Variants in SCAI observed in about 807,000 individuals in gnomAD.
The protein encoded by SCAI is suppressor of cancer cell invasion, also known as protein SCAI.
SCAI carries 24 observed loss-of-function variants against 92.2 expected under a neutral mutation model. That is an observed-to-expected ratio of 0.26 (90% CI 0.19 to 0.37). The LOEUF (loss-of-function observed/expected upper bound fraction) is 0.37, where lower values mean the gene tolerates loss of function less well. Among genes scored for constraint, SCAI ranks in the 10% least tolerant of loss-of-function variants. The pLI, the probability that SCAI is intolerant of heterozygous loss-of-function variation, is 1.00. For missense variants in SCAI, 450 were observed against 736.2 expected (o/e 0.61, Z 4.50); for synonymous variants, 261 against 258.6 (o/e 1.01, Z -0.09).
At chr9:125,118,504 C>A (rs118065233) in intron 2 of SCAI, among the ~76,000 whole-genome samples, 1 of 135,066 alleles carries the variant, frequency 7.4e-6, no homozygotes, top group South Asian at 2.4e-4. Flanking sequence ...GAGACAGAGA[C>A]CCTGTCTCAA....
At position 125,018,850 on chromosome 9, in the gene SCAI, C is replaced by A. The variant is rs1832814217; in HGVS notation, c.810G>T (p.Val270=). Residue 270 remains valine (V), a synonymous_variant, in exon 9 of 18, where the codon GTG becomes GTT. Coordinates refer to ENST00000336505, the MANE Select transcript of SCAI (RefSeq NM_001144877.3). ...GAPLLEQGMI[V]GQLSLADALI... is the part of the protein sequence containing the mutation. ...GTGCGTCAGCCAGAGACAACTGTCC[C>A]ACAATCATGCCCTGTTCCAGCAATG... 1 of 1,613,786 alleles carries A rather than the reference C, an allele frequency of 6.2e-7. No homozygotes were observed. Among genetic ancestry groups the A allele is most frequent in the African/African-American group, 1.3e-5 (1 of 74,884 alleles).
chr9:125,135,864 G>T (rs1217603228), intron 2 of SCAI, among the ~76,000 whole-genome samples: 2 of 150,726 alleles, frequency 1.3e-5, no homozygotes, highest in Non-Finnish European at 2.9e-5. Context: ...AGCTACTCAG[G>T]AGGCTGAGGC....
At chr9:125,025,557 G>T (rs567441310) in intron 6 of SCAI, among the ~76,000 whole-genome samples, 19 of 152,188 alleles carry the variant, frequency 1.2e-4, no homozygotes, top group African/African-American at 3.9e-4. Context: ...AATTTATCTC[G>T]CCAAGAATTT....
intron 2 of SCAI, among the ~76,000 whole-genome samples, chr9:125,094,104 G>C (rs80137991): frequency 0.041 from 6,284 of 151,988 alleles, 425 homozygotes; most frequent in African/African-American, 0.14. Flanking sequence ...AAACACAGCA[G>C]ACAAGATGAT....
intron 2 of SCAI, among the ~76,000 whole-genome samples, chr9:125,122,197 T>A (rs1347631321): frequency 1.3e-5 from 2 of 152,228 alleles, no homozygotes; most frequent in Non-Finnish European, 2.9e-5. Flanking sequence ...TACTATGCTT[T>A]CGGTTGGACT....
chr9:125,123,690 G>A (rs1466038555), intron 2 of SCAI, among the ~76,000 whole-genome samples: 3 of 152,112 alleles, frequency 2.0e-5, no homozygotes, highest in East Asian at 1.9e-4. Flanking sequence ...CAGGAGAATC[G>A]CTTGAACCCG....
chr9:124,983,493 C>T (rs1042704618), intron 14 of SCAI, among the ~76,000 whole-genome samples: 9 of 152,214 alleles, frequency 5.9e-5, no homozygotes, highest in Non-Finnish European at 1.0e-4. Context: ...GCTGGGATTA[C>T]AGGCATGTGC....
chr9:125,093,210 A>T (rs1834474484), intron 2 of SCAI, among the ~76,000 whole-genome samples: 1 of 151,882 alleles, frequency 6.6e-6, no homozygotes, highest in Admixed American at 6.6e-5. Flanking sequence ...AAAATACAAA[A>T]ATTAGCTGGG....
At chr9:124,993,574 G>A (rs1351955688) in intron 14 of SCAI, among the ~76,000 whole-genome samples, 2 of 152,130 alleles carry the variant, frequency 1.3e-5, no homozygotes, top group African/African-American at 4.8e-5. Flanking sequence ...TGGGAAACGA[G>A]CGAAACTCTG....
intron 2 of SCAI, among the ~76,000 whole-genome samples, chr9:125,137,660 G>A (rs1279032509): frequency 6.6e-6 from 1 of 152,118 alleles, no homozygotes; most frequent in Non-Finnish European, 1.5e-5. Context: ...GAGTGCAGTG[G>A]TGCAATCTCA....
intron 2 of SCAI, among the ~76,000 whole-genome samples, chr9:125,129,913 TG>T (rs373582221): frequency 1.9e-4 from 28 of 151,026 alleles, no homozygotes; most frequent in Admixed American, 2.6e-4. Context: ...TCTTTTTTTT[TG>T]TTGAGATGGA....
chr9:124,989,071 G>A (rs1001689818), intron 14 of SCAI, among the ~76,000 whole-genome samples: 13 of 152,040 alleles, frequency 8.6e-5, no homozygotes, highest in Non-Finnish European at 1.9e-4. Flanking sequence ...CCTGGGTGGT[G>A]GATGTTGCAG....
At chr9:125,125,073 T>G (rs542318490) in intron 2 of SCAI, among the ~76,000 whole-genome samples, 8 of 151,822 alleles carry the variant, frequency 5.3e-5, no homozygotes, top group African/African-American at 1.9e-4. Flanking sequence ...ATACAAAAAT[T>G]AACCAGGCAT....
intron 14 of SCAI, among the ~76,000 whole-genome samples, chr9:124,993,711 TAAAG>T (rs1251730431): frequency 2.0e-5 from 3 of 152,140 alleles, no homozygotes; most frequent in African/African-American, 7.2e-5. Flanking sequence ...GCTCTTGGAA[TAAAG>T]AGTTTAAGTA....
intron 9 of SCAI, 113 bp downstream of exon 9, chr9:125,018,686 G>A: frequency 1.1e-6 from 1 of 881,784 alleles, no homozygotes; most frequent in East Asian, 2.6e-5. Flanking sequence ...AATTTAATCA[G>A]CAATTTCCTC....
chr9:125,141,123 T>A (rs1004656212), intron 2 of SCAI, among the ~76,000 whole-genome samples: 1 of 152,170 alleles, frequency 6.6e-6, no homozygotes, highest in Non-Finnish European at 1.5e-5. Flanking sequence ...TTCCAATAGC[T>A]GATCAAGTAG....
rs534575456 is a variant in SCAI, at chr9:125,143,488, C to T, written c.-51G>A. ...TGCTCCGGCGGCCGCAGGGCTCGCT[C>T]GGGAAGCTGAGGCGGCGGAGGCTGG... On this transcript the variant is annotated 5_prime_UTR_variant, in exon 1 of 18. Transcript: ENST00000336505. 1 of 1,311,264 alleles carries T rather than the reference C, an allele frequency of 7.6e-7. No homozygotes were observed. The highest frequency in any genetic ancestry group is 9.7e-7 in the Non-Finnish European group (1 of 1,029,372). The allele number at this position is 1,311,264 out of a possible 1,614,324, so 81.2% of individuals were successfully genotyped here. A position where few individuals can be genotyped will look rare whatever the true frequency, so the allele number is the denominator to read the frequency against.
intron 2 of SCAI, among the ~76,000 whole-genome samples, chr9:125,111,202 A>C (rs10986567): frequency 0.013 from 1,953 of 151,586 alleles, 102 homozygotes; most frequent in Admixed American, 0.082. Context: ...AGGTTGGTTT[A>C]ACATTTAAAA....
At chr9:125,039,162 C>G (rs1324245292) in intron 3 of SCAI, among the ~76,000 whole-genome samples, 2 of 151,950 alleles carry the variant, frequency 1.3e-5, no homozygotes, top group Admixed American at 1.3e-4. Flanking sequence ...CCAAGGTGGG[C>G]AGGTCACAAG....
Sources: allele counts gnomAD v4.1 joint callset (sites outside exome capture counted in the v4.1 genomes callset), GRCh38; gene constraint gnomAD v4.1.1; transcripts MANE v1.5; gene names NCBI Gene and HGNC (gene_info 2026-07-23, HGNC 2026-07-21).